CLIC2: variants seen among roughly 807,000 people sequenced by gnomAD.
The protein encoded by CLIC2 is chloride intracellular channel protein 2.
Under a neutral mutation model 14.8 loss-of-function variants are expected in CLIC2, and 9 were observed. The observed-to-expected ratio is 0.61, with a 90% CI of 0.37 to 1.06. The LOEUF is 1.06. CLIC2 is among the 50% of genes least tolerant of loss of function. The pLI, the probability that CLIC2 is intolerant of heterozygous loss-of-function variation, is 0.01. For synonymous variants in CLIC2, 61 were observed against 66.3 expected (o/e 0.92, Z 0.39); for missense variants, 148 against 181.4 (o/e 0.82, Z 1.06).
At chrX:155,318,558 C>A (rs782668272) in intron 1 of CLIC2, among the ~76,000 whole-genome samples, 1 of 111,926 alleles carries the variant, frequency 8.9e-6, no homozygotes, top group South Asian at 3.7e-4. Context: ...TGAAAGAAAT[C>A]ATAGATGACA....
Position 155,299,049 on chromosome X carries a change from C to G in CLIC2, c.154G>C (p.Val52Leu). ...GATTTCTCTTACCTGGTCATGTCAA[C>G]AGTTGTCACATTAAATTTAACTCCT... Reference protein sequence around the residue: ...LKGVKFNVTTVDMTRKPEELK... With the variant: ...LKGVKFNVTTLDMTRKPEELK... Residue 52 changes from valine to leucine, a missense_variant, in exon 2 of 6, where the codon GTT (valine) becomes CTT (leucine). Coordinates refer to ENST00000369449, the MANE Select transcript of CLIC2 (RefSeq NM_001289.6). 1 of 1,206,581 alleles carries G rather than the reference C, an allele frequency of 8.3e-7. No individual in the cohort carries two copies. Among genetic ancestry groups the G allele is most frequent in the Non-Finnish European group, 1.1e-6 (1 of 890,816 alleles).
At position 155,277,323 on chromosome X, in the gene CLIC2, C is replaced by T. The variant is rs1346782975; in HGVS notation, c.*580G>A. 1 of 111,528 alleles carries T rather than the reference C, an allele frequency of 9.0e-6. No homozygotes were observed. Among genetic ancestry groups the T allele is most frequent in the Non-Finnish European group, 1.9e-5 (1 of 53,129 alleles). The allele number at this position is 111,528 out of a possible 1,213,427, so 9.2% of individuals were successfully genotyped here. On this transcript the variant is annotated 3_prime_UTR_variant, in exon 6 of 6. Transcript: ENST00000369449. ...GGTCACAAAGGCTACATTCTCATCT[C>T]TGACCATGAGGTGGTCATAGTTCTA...
chrX:155,299,340 A>C (rs1280018744), intron 1 of CLIC2, among the ~76,000 whole-genome samples, 195 bp from the exon 2 acceptor site: 1 of 105,765 alleles, frequency 9.5e-6, no homozygotes, highest in Non-Finnish European at 2.0e-5. Context: ...TGATGGGTAC[A>C]TAATAATAAT....
At chrX:155,292,611 A>C (rs2074973881) in intron 3 of CLIC2, 1 of 278,697 alleles carries the variant, frequency 3.6e-6, no homozygotes, top group Non-Finnish European at 6.2e-6. Context: ...TCTACTAAAA[A>C]TACAAAAAAT....
chrX:155,279,425 C>G (rs1163185780), intron 4 of CLIC2, 95 bp from the exon 5 acceptor site: 2 of 613,652 alleles, frequency 3.3e-6, no homozygotes. Flanking sequence ...ACACCTCTAT[C>G]TATACATACT....
intron 3 of CLIC2, among the ~76,000 whole-genome samples, chrX:155,289,144 C>CAA (rs367709540): frequency 1.2e-5 from 1 of 82,874 alleles, no homozygotes. Flanking sequence ...AACTCCGTCT[C>CAA]AAAAAAAAAA....
chrX:155,313,258 C>T (rs2075081591), intron 1 of CLIC2, among the ~76,000 whole-genome samples: 1 of 107,330 alleles, frequency 9.3e-6, no homozygotes, highest in Admixed American at 1.0e-4. Flanking sequence ...AACACAGACA[C>T]TGTTAAGTGG....
chrX:155,283,324 T>A (rs1268297255), intron 3 of CLIC2, among the ~76,000 whole-genome samples: 1 of 111,967 alleles, frequency 8.9e-6, no homozygotes, highest in Non-Finnish European at 1.9e-5. Flanking sequence ...CAGCTGTGGG[T>A]TTTTCTTTTT....
intron 3 of CLIC2, among the ~76,000 whole-genome samples, chrX:155,280,990 G>GATATATATATATATATATATAT (rs373277985): frequency 5.6e-4 from 50 of 89,863 alleles, no homozygotes; most frequent in African/African-American, 1.7e-3. Context: ...GAAATTGTGA[G>GATATATATATATATATATATAT]ATATATATAT....
At chrX:155,281,684 C>G (rs2074920147) in intron 3 of CLIC2, among the ~76,000 whole-genome samples, 1 of 111,195 alleles carries the variant, frequency 9.0e-6, no homozygotes, top group Non-Finnish European at 1.9e-5. Context: ...CAGTCCAAAG[C>G]CTATATTACT....
At position 155,321,958 on chromosome X, in the gene CLIC2, C is replaced by T. The variant is rs1003223674; in HGVS notation, c.57+12413G>A. On this transcript the variant is annotated intron_variant, in intron 1 of 5. Coordinates refer to ENST00000369449, the MANE Select transcript of CLIC2 (RefSeq NM_001289.6). ...TTAAACCAACAAAGATCAAAAAAGA[C>T]AAAGAAGGGTATTACATAATGGTCA... is the stretch of plus-strand genomic sequence containing the variant. 4.5e-5 allele frequency among the ~76,000 whole-genome samples: 5 copies of T among 111,053 alleles called. No individual in the cohort carries two copies. The Admixed American group carries it at 4.8e-4, about 11-fold the overall frequency.
At chrX:155,283,564 C>A (rs868953609) in intron 3 of CLIC2, among the ~76,000 whole-genome samples, 43 of 111,326 alleles carry the variant, frequency 3.9e-4, no homozygotes, top group East Asian at 1.1e-3. Flanking sequence ...CCTCCCCACC[C>A]CCCGACAGGC....
At position 155,277,830 on chromosome X, in the gene CLIC2, G is replaced by T; in HGVS notation, c.*73C>A. ...AACAGTATTTTTCATATTCTTATTT[G>T]CAAAAACCTTTCTAATATGTCAATA... is the stretch of plus-strand genomic sequence containing the variant. On this transcript the variant is annotated 3_prime_UTR_variant, in exon 6 of 6. Coordinates refer to ENST00000369449, the MANE Select transcript of CLIC2 (RefSeq NM_001289.6). 1.1e-6 allele frequency: 1 copy of T among 943,469 alleles called. No homozygotes were observed. Among genetic ancestry groups the T allele is most frequent in the Non-Finnish European group, 1.5e-6 (1 of 659,090 alleles). 77.8% of individuals were successfully genotyped at this position (943,469 alleles called of 1,213,427 possible). A position where few individuals can be genotyped will look rare whatever the true frequency, so the allele number is the denominator to read the frequency against.
chrX:155,313,247 G>T (rs2075081516), intron 1 of CLIC2, among the ~76,000 whole-genome samples: 1 of 107,723 alleles, frequency 9.3e-6, no homozygotes, highest in South Asian at 4.1e-4. Flanking sequence ...AGGGAAAAAG[G>T]AACACAGACA....
At chrX:155,297,171 G>T (rs1434601107) in intron 3 of CLIC2, among the ~76,000 whole-genome samples, 1 of 111,814 alleles carries the variant, frequency 8.9e-6, no homozygotes, top group East Asian at 2.8e-4. Flanking sequence ...AACATGGATG[G>T]AACTGGAGTT....
chrX:155,333,742 AAAC>A (rs1264106265), intron 1 of CLIC2, among the ~76,000 whole-genome samples: 2 of 109,572 alleles, frequency 1.8e-5, no homozygotes, highest in African/African-American at 3.3e-5. Context: ...AAAAAAAAAA[AAAC>A]AACTCCATGG....
intron 1 of CLIC2, among the ~76,000 whole-genome samples, chrX:155,314,858 T>C (rs1203424404): frequency 9.0e-6 from 1 of 111,122 alleles, no homozygotes; most frequent in Non-Finnish European, 1.9e-5. Context: ...AAATCTTCAA[T>C]GATATGAAAG....
In CLIC2 at chrX:155,290,565, G is replaced by A. The variant is rs1311836791; in HGVS notation, c.293+8220C>T. On this transcript the variant is annotated intron_variant, in intron 3 of 5. Coordinates refer to ENST00000369449, the MANE Select transcript of CLIC2 (RefSeq NM_001289.6). ...TTCTAGCAGAGGGCTCTTGCAGCTA[G>A]AATACAGCATCCGTTCTCTTATACT... 4 of 602,246 alleles carry A rather than the reference G, an allele frequency of 6.6e-6. No homozygotes were observed. The African/African-American group carries it at 8.8e-5, about 13-fold the overall frequency. 49.6% of individuals were successfully genotyped at this position (602,246 alleles called of 1,213,427 possible).
chrX:155,314,324 A>C (rs1452928975), intron 1 of CLIC2, among the ~76,000 whole-genome samples: 1 of 112,435 alleles, frequency 8.9e-6, no homozygotes, highest in African/African-American at 3.2e-5. Context: ...CTCTCACAGA[A>C]TCCACTTCAC....
Sources: gnomAD v4.1 joint callset for allele counts (sites outside exome capture counted in the v4.1 genomes callset) on GRCh38, gnomAD v4.1.1 for gene constraint, MANE v1.5 for transcripts, NCBI Gene and HGNC (gene_info 2026-07-23, HGNC 2026-07-21) for gene names.